CAMKMT: variants seen among roughly 807,000 people sequenced by gnomAD.
CAMKMT encodes calmodulin-lysine N-methyltransferase, also known as CaM KMT.
Under a neutral mutation model 48.0 loss-of-function variants are expected in CAMKMT, and 53 were observed. The ratio of observed to expected loss-of-function variants is 1.10; its 90% CI spans 0.89 to 1.39. The LOEUF (loss-of-function observed/expected upper bound fraction) is 1.39. Among genes scored for constraint, CAMKMT ranks in the 40% most tolerant of loss-of-function variants. The pLI, the probability that CAMKMT is intolerant of heterozygous loss-of-function variation, is 0.00. For synonymous variants in CAMKMT, 165 were observed against 152.3 expected (o/e 1.08, Z -0.61); for missense variants, 428 against 402.7 (o/e 1.06, Z -0.54).
chr2:44,698,288 C>T (rs531756622), intron 3 of CAMKMT, among the ~76,000 whole-genome samples: 1 of 152,256 alleles, frequency 6.6e-6, no homozygotes, highest in East Asian at 1.9e-4. Flanking sequence ...AGTTACCATG[C>T]CACACTCCAT....
intron 3 of CAMKMT, among the ~76,000 whole-genome samples, chr2:44,525,109 A>G (rs1400041137): frequency 6.6e-6 from 1 of 152,178 alleles, no homozygotes; most frequent in Non-Finnish European, 1.5e-5. Context: ...TAATACTGGA[A>G]ATTTTTCAGG....
rs114837901 is a variant in CAMKMT at position 44,614,312 on chromosome 2, C to G, written c.377-89971C>G. Among the ~76,000 whole-genome samples the G allele has an allele frequency of 6.6e-5, 10 of 152,240 alleles. No individual in the cohort carries two copies. In the South Asian group the frequency reaches 1.9e-3, roughly 28 times the overall value. The stretch of plus-strand genomic sequence containing the variant: ...GGGACTGTGTTAAGTGTAAGGAACA[C>G]AAAACTGACTGAAATACAGTTCCTG... On this transcript the variant is annotated intron_variant, in intron 3 of 10. Coordinates refer to ENST00000378494, the MANE Select transcript of CAMKMT (RefSeq NM_024766.5).
chr2:44,542,312 T>C (rs1409029090), intron 3 of CAMKMT, among the ~76,000 whole-genome samples: 1 of 152,074 alleles, frequency 6.6e-6, no homozygotes, highest in Non-Finnish European at 1.5e-5. Context: ...CAAATAAATG[T>C]TTTCCATATA....
chr2:44,572,605 A>T (rs1668973737), intron 3 of CAMKMT, among the ~76,000 whole-genome samples: 1 of 152,180 alleles, frequency 6.6e-6, no homozygotes, highest in African/African-American at 2.4e-5. Flanking sequence ...AGGTGTACAC[A>T]TGTCTGTTGG....
intron 3 of CAMKMT, among the ~76,000 whole-genome samples, chr2:44,449,130 AT>A (rs1282897252): frequency 6.6e-6 from 1 of 152,148 alleles, no homozygotes; most frequent in Non-Finnish European, 1.5e-5. Context: ...CATGTAAATT[AT>A]GTCTTAATAA....
intron 3 of CAMKMT, among the ~76,000 whole-genome samples, chr2:44,595,806 A>G (rs887265141): frequency 9.9e-5 from 15 of 152,214 alleles, no homozygotes; most frequent in Non-Finnish European, 1.8e-4. Context: ...ATGCAGCTGT[A>G]AAAAAGGATG....
chr2:44,589,027 C>T (rs1161195763), intron 3 of CAMKMT, among the ~76,000 whole-genome samples: 1 of 10,850 alleles, frequency 9.2e-5, no homozygotes, highest in Non-Finnish European at 1.8e-4. Context: ...GCCCCCCGCC[C>T]GGCCGGCCGC....
chr2:44,427,643 C>T (rs1558604952), intron 3 of CAMKMT, among the ~76,000 whole-genome samples: 1 of 152,128 alleles, frequency 6.6e-6, no homozygotes, highest in South Asian at 2.1e-4. Flanking sequence ...CAAACCACCA[C>T]AAGTATCCCC....
chr2:44,362,981 A>G (rs1364772761), intron 1 of CAMKMT, among the ~76,000 whole-genome samples: 1 of 152,154 alleles, frequency 6.6e-6, no homozygotes, highest in Non-Finnish European at 1.5e-5. Flanking sequence ...TCAGGAGGAC[A>G]TTTTTCCATT....
At position 44,653,182 on chromosome 2, in the gene CAMKMT, A is replaced by T. The variant is rs975163699; in HGVS notation, c.377-51101A>T. Reference sequence around the variant, plus strand: ...GTCTTTTTTTATTATTTCTCACTTCACTAGCTCGTGAGCTCCTTTAAAGCA... The same window carrying T: ...GTCTTTTTTTATTATTTCTCACTTCTCTAGCTCGTGAGCTCCTTTAAAGCA... On this transcript the variant is annotated intron_variant, in intron 3 of 10. Coordinates refer to ENST00000378494, the MANE Select transcript of CAMKMT (RefSeq NM_024766.5). This position sits in a 1 kb window ranked among gnomAD's most constrained non-coding sequence, Gnocchi z 5.2. Among the ~76,000 whole-genome samples, 5 of 151,922 alleles carry T rather than the reference A, an allele frequency of 3.3e-5. No homozygotes were observed. Among genetic ancestry groups the T allele is most frequent in the Admixed American group, 1.3e-4 (2 of 15,246 alleles).
At chr2:44,528,180 A>AT (rs889339955) in intron 3 of CAMKMT, among the ~76,000 whole-genome samples, 6 of 151,692 alleles carry the variant, frequency 4.0e-5, no homozygotes, top group African/African-American at 1.5e-4. Flanking sequence ...AAATATAAGC[A>AT]TTTTTTTTCT....
intron 3 of CAMKMT, among the ~76,000 whole-genome samples, chr2:44,424,296 A>T (rs1449497091): frequency 6.6e-6 from 1 of 152,016 alleles, no homozygotes; most frequent in African/African-American, 2.4e-5. Context: ...GGCTTTAGTC[A>T]GCTGGGAGCA....
chr2:44,698,127 C>T (rs1045583685), intron 3 of CAMKMT, among the ~76,000 whole-genome samples: 2 of 152,222 alleles, frequency 1.3e-5, no homozygotes, highest in African/African-American at 4.8e-5. Flanking sequence ...ATATAATTCA[C>T]ATACCATACA....
intron 5 of CAMKMT, 79 bp downstream of exon 5, chr2:44,706,420 T>A: frequency 7.1e-7 from 1 of 1,402,372 alleles, no homozygotes; most frequent in Non-Finnish European, 1.0e-6. Context: ...AACTGCTGGG[T>A]CAGAGAACCG....
intron 3 of CAMKMT, among the ~76,000 whole-genome samples, chr2:44,606,980 T>C (rs988798387): frequency 2.0e-5 from 3 of 152,222 alleles, no homozygotes; most frequent in African/African-American, 7.2e-5. Context: ...AATTGTTTTG[T>C]CAGTATTAGT....
intron 3 of CAMKMT, among the ~76,000 whole-genome samples, chr2:44,490,649 T>C (rs543355582): frequency 1.2e-3 from 177 of 152,206 alleles, no homozygotes; most frequent in African/African-American, 3.9e-3. Flanking sequence ...CAAGTACTCA[T>C]GTACTTGAAA....
intron 3 of CAMKMT, among the ~76,000 whole-genome samples, chr2:44,695,657 C>T (rs1057153621): frequency 1.3e-5 from 2 of 151,976 alleles, no homozygotes; most frequent in Admixed American, 6.6e-5. Flanking sequence ...AGGCATAAAC[C>T]CACGTGAATG....
At chr2:44,739,866 T>A (rs56990825) in intron 7 of CAMKMT, among the ~76,000 whole-genome samples, 2 of 152,268 alleles carry the variant, frequency 1.3e-5, no homozygotes, top group African/African-American at 4.8e-5. Context: ...AATAACTCCA[T>A]GTTTGAATAC....
At chr2:44,704,145 GTGACA>G in intron 3 of CAMKMT, 133 bp from the exon 4 acceptor site, 1 of 466,564 alleles carries the variant, frequency 2.1e-6, no homozygotes, top group Non-Finnish European at 3.7e-6. Context: ...AAAGACACCC[GTGACA>G]TGACATATTA....
Sources: gnomAD v4.1 joint callset for allele counts (sites outside exome capture counted in the v4.1 genomes callset) on GRCh38, gnomAD v4.1.1 for gene constraint, Gnocchi (gnomAD v3.1) non-coding constraint, MANE v1.5 for transcripts, NCBI Gene and HGNC (gene_info 2026-07-23, HGNC 2026-07-21) for gene names.